Variants in CLUL1 observed in about 807,000 individuals in gnomAD.
CLUL1 encodes clusterin-like protein 1.
A neutral mutation model predicts 49.4 loss-of-function variants in CLUL1; 43 were observed. The ratio of observed to expected loss-of-function variants is 0.87; its 90% CI spans 0.68 to 1.12. The LOEUF (loss-of-function observed/expected upper bound fraction) is 1.12. CLUL1 is among the 50% of genes most tolerant of loss of function. The pLI is 0.00. For missense variants in CLUL1, 486 were observed against 544.4 expected, an observed-to-expected ratio of 0.89 and a Z score of 1.07; for synonymous variants, 192 against 184.9, an observed-to-expected ratio of 1.04 and a Z score of -0.31.
intron 2 of CLUL1, among the ~76,000 whole-genome samples, chr18:609,131 T>G (rs1388347728): frequency 6.6e-6 from 1 of 152,178 alleles, no homozygotes; most frequent in South Asian, 2.1e-4. Context: ...CATATACACC[T>G]TATACACGTA....
chr18:634,238 T>C (rs1235871875), intron 7 of CLUL1, among the ~76,000 whole-genome samples: 3 of 152,170 alleles, frequency 2.0e-5, no homozygotes, highest in African/African-American at 4.8e-5. Flanking sequence ...CAAGCAATTC[T>C]CCTGCCTCAG....
chr18:645,468 C>T (rs896620582), intron 9 of CLUL1, among the ~76,000 whole-genome samples: 3 of 152,050 alleles, frequency 2.0e-5, no homozygotes, highest in African/African-American at 7.2e-5. Context: ...AAAAGTTCTC[C>T]CTCCAAGATC....
At chr18:648,900 C>T (rs916333437) in intron 9 of CLUL1, among the ~76,000 whole-genome samples, 2 of 152,168 alleles carry the variant, frequency 1.3e-5, no homozygotes, top group Non-Finnish European at 2.9e-5. Context: ...TCAAGTGATC[C>T]TTCCACCTCA....
intron 5 of CLUL1, among the ~76,000 whole-genome samples, 186 bp from the exon 6 acceptor site, chr18:626,911 G>A (rs12958071): frequency 1.4e-3 from 2 of 1,394 alleles, no homozygotes; most frequent in South Asian, 0.25. Flanking sequence ...AAGAAAGAAA[G>A]AAAGAAAGAA....
At chr18:635,729 G>A (rs2074116326) in intron 7 of CLUL1, among the ~76,000 whole-genome samples, 2 of 152,008 alleles carry the variant, frequency 1.3e-5, no homozygotes, top group South Asian at 2.1e-4. Context: ...AACAAATCGC[G>A]CCGTTCAGAG....
intron 8 of CLUL1, 75 bp from the exon 9 acceptor site, chr18:644,835 T>A (rs2074427250): frequency 8.6e-7 from 1 of 1,165,378 alleles, no homozygotes; most frequent in Non-Finnish European, 1.2e-6. Flanking sequence ...CTATCCTGAC[T>A]AAGGTGGTAT....
intron 8 of CLUL1, among the ~76,000 whole-genome samples, chr18:642,751 C>T (rs1180610817): frequency 1.3e-5 from 2 of 152,188 alleles, no homozygotes; most frequent in Admixed American, 6.5e-5. Flanking sequence ...TTTACCAGCT[C>T]CCACTGGTGC....
chr18:606,242 C>T lies in CLUL1; in HGVS notation c.-135-736C>T, dbSNP rs890707064. 2.0e-5 allele frequency among the ~76,000 whole-genome samples: 3 copies of T among 152,290 alleles called. No individual in the cohort carries two copies. The highest frequency in any genetic ancestry group is 3.4e-3 in the Middle Eastern group (1 of 294). ...CTACCACCACAGTGCAGACCCACAACAGGGAGAAGGACGGCCACAGTCCCT... is the reference window on the plus strand; with the variant it reads ...CTACCACCACAGTGCAGACCCACAATAGGGAGAAGGACGGCCACAGTCCCT... On this transcript the variant is annotated intron_variant, in intron 1 of 9. Coordinates refer to ENST00000692774, the MANE Select transcript of CLUL1 (RefSeq NM_001393344.1). This position sits in a 1 kb window ranked among gnomAD's most constrained non-coding sequence, Gnocchi z 4.1.
At chr18:633,048 T>C (rs962280945) in intron 6 of CLUL1, among the ~76,000 whole-genome samples, 1 of 152,146 alleles carries the variant, frequency 6.6e-6, no homozygotes, top group Non-Finnish European at 1.5e-5. Context: ...TCCCAGCTAC[T>C]TGGGAGCCTG....
In CLUL1 at chr18:606,874, A is replaced by C; in HGVS notation, c.-135-104A>C. The C allele has an allele frequency of 1.9e-6, 1 of 520,178 alleles. No homozygotes were observed. Among genetic ancestry groups the C allele is most frequent in the African/African-American group, 1.9e-5 (1 of 51,832 alleles). The allele number at this position is 520,178 out of a possible 1,614,324, so 32.2% of individuals were successfully genotyped here. On this transcript the variant is annotated intron_variant, in intron 1 of 9. Coordinates refer to ENST00000692774, the MANE Select transcript of CLUL1 (RefSeq NM_001393344.1). This position sits in a 1 kb window ranked among gnomAD's most constrained non-coding sequence, Gnocchi z 4.1. ...CCAGCACCCCCCACAAGGCAAGGCC[A>C]GTTCACCCTCAGTGCTCACTACTTT...
chr18:613,508 G>A (rs1388305362), intron 2 of CLUL1, among the ~76,000 whole-genome samples: 1 of 149,500 alleles, frequency 6.7e-6, no homozygotes, highest in African/African-American at 2.5e-5. Context: ...AGGCTGGAGT[G>A]CAGTGACGCT....
chr18:614,334 G>GGGAAGGAAGGGAGGGAA (rs2073229841), intron 2 of CLUL1, among the ~76,000 whole-genome samples: 1 of 145,958 alleles, frequency 6.9e-6, no homozygotes, highest in African/African-American at 2.6e-5. Context: ...AAGGAAGGGA[G>GGGAAGGAAGGGAGGGAA]GGAAGGAAGG....
chr18:626,928 AAG>A lies in CLUL1; in HGVS notation c.424-168_424-167del, dbSNP rs879193056. 8.2e-3 allele frequency among the ~76,000 whole-genome samples: 191 copies of A among 23,272 alleles called. 49 individuals carry two copies. Among genetic ancestry groups the A allele is most frequent in the African/African-American group, 0.02 (103 of 5,036 alleles). 15.3% of individuals were successfully genotyped at this position (23,272 alleles called of 152,430 possible). A position where few individuals can be genotyped will look rare whatever the true frequency, so the allele number is the denominator to read the frequency against. On this transcript the variant is annotated intron_variant, in intron 5 of 9. Coordinates refer to ENST00000692774, the MANE Select transcript of CLUL1 (RefSeq NM_001393344.1). ...GAAAGAAAGAAAGAAAGAAAGAAAG[AAG>A]GAAAGAAGGAAAGAAGGAAGGAAGG...
chr18:645,094 C>G lies in CLUL1; in HGVS notation c.1394C>G (p.Thr465Ser). Residue 465 changes from threonine to serine, a missense_variant, in exon 9 of 10, where the codon ACC becomes AGC. By Grantham distance (58) the Thr-to-Ser change is moderately conservative. Coordinates refer to ENST00000692774, the MANE Select transcript of CLUL1 (RefSeq NM_001393344.1). The part of the protein sequence containing the change: ...ALQHFKEHFK[T>S]W The stretch of plus-strand genomic sequence containing the variant: ...CAGCATTTTAAGGAACATTTTAAAA[C>G]CTGGTAAGCAGAGTGCCTGGTTAGG... 1.3e-6 allele frequency: 2 copies of G among 1,595,186 alleles called. No homozygotes were observed. Among genetic ancestry groups the G allele is most frequent in the Non-Finnish European group, 1.7e-6 (2 of 1,171,628 alleles).
At chr18:645,666 C>T (rs1319019595) in intron 9 of CLUL1, among the ~76,000 whole-genome samples, 3 of 148,890 alleles carry the variant, frequency 2.0e-5, no homozygotes, top group South Asian at 2.1e-4. Context: ...TGGTGGCGGG[C>T]GCCTGTAGTC....
In CLUL1 at chr18:627,514, C is replaced by A; in HGVS notation, c.841C>A (p.Pro281Thr). Residue 281 changes from proline to threonine, a missense_variant, in exon 6 of 10, where the codon CCA becomes ACA. By Grantham distance (38) the Pro-to-Thr change is conservative (BLOSUM62 -1). Coordinates refer to ENST00000692774, the MANE Select transcript of CLUL1 (RefSeq NM_001393344.1). ...TKMLKAIEDLPKQDKAPDHGG... is the reference protein window; with the variant it reads ...TKMLKAIEDLTKQDKAPDHGG... ...GATGCTGAAGGCAATAGAAGATTTA[C>A]CAAAACAAGACAAAGGCAAGTATTA... 2 of 1,606,278 alleles carry A rather than the reference C, an allele frequency of 1.2e-6. No individual in the cohort carries two copies.
intron 7 of CLUL1, among the ~76,000 whole-genome samples, chr18:641,075 A>G (rs1415825008): frequency 6.6e-6 from 1 of 152,178 alleles, no homozygotes; most frequent in Non-Finnish European, 1.5e-5. Context: ...GGCATGTGGA[A>G]TTTATAACAA....
chr18:641,275 C>G, intron 7 of CLUL1, 52 bp from the exon 8 acceptor site: 1 of 1,537,114 alleles, frequency 6.5e-7, no homozygotes, highest in Non-Finnish European at 9.0e-7. Flanking sequence ...TGTTGCCCAC[C>G]TCCAAGTTTC....
At chr18:645,701 G>T (rs2074455083) in intron 9 of CLUL1, among the ~76,000 whole-genome samples, 1 of 147,712 alleles carries the variant, frequency 6.8e-6, no homozygotes, top group African/African-American at 2.5e-5. Flanking sequence ...GGCTGAGGCA[G>T]GAGAATGGCG....
Sources: gnomAD v4.1 joint callset for allele counts (sites outside exome capture counted in the v4.1 genomes callset) on GRCh38, gnomAD v4.1.1 for gene constraint, Gnocchi (gnomAD v3.1) non-coding constraint, MANE v1.5 for transcripts, NCBI Gene and HGNC (gene_info 2026-07-23, HGNC 2026-07-21) for gene names.